The following PFKP variants were observed in gnomAD, a reference collection of about 807,000 sequenced individuals.
The protein encoded by PFKP is phosphofructokinase, platelet.
PFKP carries 101 observed loss-of-function variants against 94.3 expected under a neutral mutation model. That is an observed-to-expected ratio of 1.07 (90% confidence interval 0.91 to 1.26). The LOEUF (loss-of-function observed/expected upper bound fraction) is 1.26. Ranked by LOEUF, PFKP falls within the 50% of genes most tolerant of loss-of-function variation. PFKP has a pLI of 0.00. For missense variants in PFKP, 1,145 were observed against 1,103.3 expected, an observed-to-expected ratio of 1.04 and a Z score of -0.53; for synonymous variants, 573 against 432.6, an observed-to-expected ratio of 1.32 and a Z score of -4.03.
rs185631724 is a variant in PFKP at position 3,096,844 on chromosome 10, C to T, written c.187-2431C>T. 8.0e-3 allele frequency among the ~76,000 whole-genome samples: 1,136 copies of T among 141,138 alleles called. 21 individuals carry two copies. Among genetic ancestry groups the T allele is most frequent in the African/African-American group, 0.029 (1,085 of 37,326 alleles). 92.6% of individuals were successfully genotyped at this position (141,138 alleles called of 152,430 possible). On this transcript the variant is annotated intron_variant, in intron 2 of 21. Transcript: ENST00000381125. Reference sequence around the variant, plus strand: ...CTGTAATCCCAGCACTTTGGGAGTCCGAGGCGGGCGGATCACGAGGTCAGG... The same window carrying T: ...CTGTAATCCCAGCACTTTGGGAGTCTGAGGCGGGCGGATCACGAGGTCAGG...
intron 17 of PFKP, among the ~76,000 whole-genome samples, chr10:3,130,706 C>T (rs879459423): frequency 6.6e-6 from 1 of 152,048 alleles, no homozygotes; most frequent in Admixed American, 6.6e-5. Flanking sequence ...ATTACAGGCA[C>T]GTGCCACCAC....
intron 16 of PFKP, among the ~76,000 whole-genome samples, chr10:3,123,149 C>A (rs552913686): frequency 6.6e-6 from 1 of 152,176 alleles, no homozygotes; most frequent in Non-Finnish European, 1.5e-5. Context: ...ACCTCAGAGC[C>A]GGTGTGACAC....
At chr10:3,135,013 T>G (rs979647499) in intron 20 of PFKP, among the ~76,000 whole-genome samples, 2 of 152,220 alleles carry the variant, frequency 1.3e-5, no homozygotes, top group East Asian at 1.9e-4. Context: ...GAACTGCATG[T>G]TCGTAGAACT....
chr10:3,076,017 CAAAAA>C (rs59102828), intron 1 of PFKP, among the ~76,000 whole-genome samples: 776 of 61,796 alleles, frequency 0.013, 13 homozygotes, highest in African/African-American at 0.042. Flanking sequence ...GACTCCGTCT[CAAAAA>C]AAAAAAAAAA....
intron 1 of PFKP, among the ~76,000 whole-genome samples, chr10:3,075,232 G>C (rs940338192): frequency 2.0e-5 from 3 of 152,160 alleles, no homozygotes; most frequent in African/African-American, 7.2e-5. Context: ...GGGCGTTAGG[G>C]CCGTTATGAA....
At chr10:3,130,751 G>A (rs1042602358) in intron 17 of PFKP, among the ~76,000 whole-genome samples, 3 of 152,052 alleles carry the variant, frequency 2.0e-5, no homozygotes, top group Non-Finnish European at 4.4e-5. Context: ...TAGAGATGAG[G>A]TTTCACCATG....
intron 1 of PFKP, among the ~76,000 whole-genome samples, chr10:3,073,813 G>C (rs774876742): frequency 6.6e-6 from 1 of 151,722 alleles, no homozygotes; most frequent in African/African-American, 2.4e-5. Flanking sequence ...TTTTATTTCT[G>C]TGTGTGTGTG....
chr10:3,111,758 G>A (rs114088122), intron 10 of PFKP, among the ~76,000 whole-genome samples: 2,002 of 152,126 alleles, frequency 0.013, 47 homozygotes, highest in African/African-American at 0.045. Context: ...GCCTCCATCC[G>A]GGCCCCTCTG....
At chr10:3,105,280 C>A (rs970995176) in intron 6 of PFKP, 113 bp from the exon 7 acceptor site, 2 of 1,301,178 alleles carry the variant, frequency 1.5e-6, no homozygotes, top group African/African-American at 2.9e-5. Flanking sequence ...GGGCCGGCAT[C>A]CCGCTTCATA....
At chr10:3,093,876 C>G (rs1220291418) in intron 2 of PFKP, among the ~76,000 whole-genome samples, 2 of 152,136 alleles carry the variant, frequency 1.3e-5, no homozygotes, top group African/African-American at 4.8e-5. Context: ...ATCTCCTGAC[C>G]TTGTGATCCG....
chr10:3,089,229 C>T (rs1833860912), intron 2 of PFKP, among the ~76,000 whole-genome samples: 1 of 152,200 alleles, frequency 6.6e-6, no homozygotes, highest in Admixed American at 6.5e-5. Flanking sequence ...CCACCACGCC[C>T]ATATGCCTGG....
Position 3,133,243 on chromosome 10 carries a change from T to C in PFKP, c.1951T>C (p.Tyr651His). Reference sequence around the variant, plus strand: ...TGAAAACTACACCACCGACTTCATTTACCAGCTGTATTCAGAAGAGGGCAA... The same window carrying C: ...TGAAAACTACACCACCGACTTCATTCACCAGCTGTATTCAGAAGAGGGCAA... ...CSENYTTDFIYQLYSEEGKGV... is the reference protein window; with the variant it reads ...CSENYTTDFIHQLYSEEGKGV... The change falls in exon 19 of 22, where the codon TAC becomes CAC. Residue 651 changes from tyrosine (Y) to histidine (H), a missense_variant. Transcript: ENST00000381125. The C allele has an allele frequency of 6.2e-7, 1 of 1,614,124 alleles. No individual in the cohort carries two copies.
intron 16 of PFKP, among the ~76,000 whole-genome samples, chr10:3,122,017 T>C (rs1837482273): frequency 6.6e-6 from 1 of 151,910 alleles, no homozygotes; most frequent in Non-Finnish European, 1.5e-5. Context: ...AGACGGGGTC[T>C]CCCTGTGTTG....
chr10:3,129,987 T>G lies in PFKP; in HGVS notation c.1848+4T>G. On this transcript the variant is annotated splice_donor_region_variant and intron_variant, in intron 17 of 21. Coordinates refer to ENST00000381125, the MANE Select transcript of PFKP (RefSeq NM_002627.5). The stretch of plus-strand genomic sequence containing the variant: ...CTTCGACATCAGGGATCTGCAGGTA[T>G]GTGACGGGGCTGGCCTCAGGGCCCG... 6.4e-7 allele frequency: 1 copy of G among 1,569,176 alleles called. No homozygotes were observed. The highest frequency in any genetic ancestry group is 8.7e-7 in the Non-Finnish European group (1 of 1,154,540).
chr10:3,112,406 G>A, intron 11 of PFKP, 120 bp downstream of exon 11: 1 of 788,056 alleles, frequency 1.3e-6, no homozygotes, highest in Non-Finnish European at 2.3e-6. Flanking sequence ...CAGAAAGTCA[G>A]GCAGTACTCA....
At chr10:3,118,118 T>A (rs192805977) in intron 14 of PFKP, among the ~76,000 whole-genome samples, 1 of 152,140 alleles carries the variant, frequency 6.6e-6, no homozygotes, top group Non-Finnish European at 1.5e-5. Context: ...GATGGGATTT[T>A]AAATGAGATC....
intron 13 of PFKP, among the ~76,000 whole-genome samples, chr10:3,114,768 G>A (rs1427254448): frequency 6.6e-6 from 1 of 152,232 alleles, no homozygotes; most frequent in East Asian, 1.9e-4. Context: ...AGCCCGCACA[G>A]GGCAGTGAGG....
rs1478600569 is a variant in PFKP, at chr10:3,112,236, G to A, written c.1104G>A (p.Gln368=). The A allele has an allele frequency of 6.2e-7, 1 of 1,613,678 alleles. No individual in the cohort carries two copies. The highest frequency in any genetic ancestry group is 8.5e-7 in the Non-Finnish European group (1 of 1,179,566). The change falls in exon 11 of 22, where the codon CAG becomes CAA. Residue 368 remains glutamine (Q), a synonymous_variant. Transcript: ENST00000381125. ...MECVQMTQDV[Q]KAMDERRFQD... ...TGTTTTAAAAGACTCAGGATGTGCAGAAGGCGATGGACGAGAGGAGATTTC... is the reference window on the plus strand; with the variant it reads ...TGTTTTAAAAGACTCAGGATGTGCAAAAGGCGATGGACGAGAGGAGATTTC...
chr10:3,129,779 G>C (rs369320830), intron 16 of PFKP, 40 bp from the exon 17 acceptor site: 4 of 1,607,610 alleles, frequency 2.5e-6, no homozygotes, highest in Non-Finnish European at 2.5e-6. Flanking sequence ...GGCGCGCCCC[G>C]GGCCTGGGCT....
Sources: gnomAD v4.1 joint callset for allele counts (sites outside exome capture counted in the v4.1 genomes callset) on GRCh38, gnomAD v4.1.1 for gene constraint, MANE v1.5 for transcripts, NCBI Gene and HGNC (gene_info 2026-07-23, HGNC 2026-07-21) for gene names.